The following JAKMIP3 variants were observed in gnomAD, a reference collection of about 807,000 sequenced individuals.
JAKMIP3 encodes the protein janus kinase and microtubule-interacting protein 3.
In JAKMIP3, 58 loss-of-function variants were observed where a neutral mutation model predicts 118.5. That is an observed-to-expected ratio of 0.49 (90% CI 0.40 to 0.61). The LOEUF (loss-of-function observed/expected upper bound fraction) is 0.61, where lower values mean the gene tolerates loss of function less well. JAKMIP3 is among the 20% of genes least tolerant of loss of function. The probability of loss-of-function intolerance (pLI) is 0.00; values close to 1 mark genes in which losing one functional copy is unlikely to be tolerated. For synonymous variants in JAKMIP3, 486 were observed against 451.2 expected (o/e 1.08, Z -0.98); for missense variants, 950 against 1,109.0 (o/e 0.86, Z 2.04).
Position 132,039,503 on chromosome 10 carries a change from GT to G in JAKMIP3, c.-138+2766del, listed in dbSNP as rs142573019. Reference sequence around the variant, plus strand: ...TCTCCCATGGCCCCTGGACAGCGTGGTCCCTGCAAGGCTGAGAGGCCTGGCC... The same window carrying G: ...TCTCCCATGGCCCCTGGACAGCGTGGCCCTGCAAGGCTGAGAGGCCTGGCC... On this transcript the variant is annotated intron_variant, in intron 1 of 23. Coordinates refer to the JAKMIP3 transcript ENST00000657785. Among the ~76,000 whole-genome samples, 1,003 of 152,216 alleles carry G rather than the reference GT, an allele frequency of 6.6e-3. 14 individuals carry two copies. The highest frequency in any genetic ancestry group is 0.023 in the African/African-American group (959 of 41,526).
At chr10:132,167,864 G>GCCCTCGCCCCTCGC (rs200553685) in intron 22 of JAKMIP3, 89 bp from the exon 23 acceptor site, 1 of 846,446 alleles carries the variant, frequency 1.2e-6, no homozygotes, top group Non-Finnish European at 1.6e-6. Context: ...TCACCCCTCG[G>GCCCTCGCCCCTCGC]CCCTCGCCCC....
intron 23 of JAKMIP3, among the ~76,000 whole-genome samples, chr10:132,180,602 CGCGTGT>C (rs1565019093): frequency 0.2 from 2,402 of 11,970 alleles, 588 homozygotes; most frequent in Admixed American, 0.34. Context: ...TGTGTGCGTG[CGCGTGT>C]GTGTGTGCGT....
At chr10:132,142,746 A>C (rs543629241) in intron 11 of JAKMIP3, among the ~76,000 whole-genome samples, 1 of 152,260 alleles carries the variant, frequency 6.6e-6, no homozygotes, top group South Asian at 2.1e-4. Flanking sequence ...GAGGACCTGC[A>C]CCTGGTACCC....
chr10:132,115,754 C>T (rs1228461902), intron 2 of JAKMIP3, among the ~76,000 whole-genome samples: 4 of 152,178 alleles, frequency 2.6e-5, no homozygotes, highest in African/African-American at 9.7e-5. Context: ...AGAAATGTGG[C>T]TTGACTAAAA....
chr10:132,168,101 G>T lies in JAKMIP3; in HGVS notation c.*171G>T. On this transcript the variant is annotated 3_prime_UTR_variant, in exon 23 of 24. Coordinates refer to ENST00000684848, the MANE Select transcript of JAKMIP3 (RefSeq NM_001323087.2). Reference sequence around the variant, plus strand: ...AGAGTGAGAAGGGGCAGTGTGTGGGGCGTGGAGCTGCCGTCCACGTGGGAT... The same window carrying T: ...AGAGTGAGAAGGGGCAGTGTGTGGGTCGTGGAGCTGCCGTCCACGTGGGAT... 2 of 1,289,200 alleles carry T rather than the reference G, an allele frequency of 1.6e-6. No individual in the cohort carries two copies. The highest frequency in any genetic ancestry group is 1.0e-6 in the Non-Finnish European group (1 of 988,552). The allele number at this position is 1,289,200 out of a possible 1,614,324, so 79.9% of individuals were successfully genotyped here.
At chr10:132,139,153 AGTGT>A (rs1290939257) in intron 9 of JAKMIP3, among the ~76,000 whole-genome samples, 6 of 135,132 alleles carry the variant, frequency 4.4e-5, no homozygotes, top group Admixed American at 7.3e-5. Flanking sequence ...TGTGAGTATG[AGTGT>A]GTATGTACAT....
intron 1 of JAKMIP3, among the ~76,000 whole-genome samples, chr10:132,102,467 G>A (rs2045119002): frequency 1.3e-5 from 2 of 152,114 alleles, no homozygotes; most frequent in Non-Finnish European, 2.9e-5. Flanking sequence ...GGTCCCTCCA[G>A]TCCCCGTCTC....
intron 1 of JAKMIP3, among the ~76,000 whole-genome samples, chr10:132,102,176 C>T (rs1374807049): frequency 1.3e-5 from 2 of 152,176 alleles, no homozygotes; most frequent in Admixed American, 1.3e-4. Flanking sequence ...CCCTTTCCTC[C>T]TCAGGCCCTT....
At chr10:132,125,269 TG>T (rs76963464) in intron 3 of JAKMIP3, among the ~76,000 whole-genome samples, 5,644 of 142,756 alleles carry the variant, frequency 0.04, 286 homozygotes, top group African/African-American at 0.14. Context: ...TGGATTGAGT[TG>T]GATATCCCTG....
chr10:132,167,416 T>C (rs1056070405), intron 22 of JAKMIP3, among the ~76,000 whole-genome samples: 3 of 152,064 alleles, frequency 2.0e-5, no homozygotes, highest in Non-Finnish European at 4.4e-5. Flanking sequence ...GCAGACACGG[T>C]GGTTCTGTGA....
rs1564908641 is a variant in JAKMIP3, at chr10:132,109,135, T to TATATATATATACACACACAC, written c.135+4203_135+4204insCACACACACATATATATATA. On this transcript the variant is annotated intron_variant, in intron 2 of 23. Transcript: ENST00000684848. ...ACACATATATATATACACACACACA[T>TATATATATATACACACACAC]ATATATATATATACACACACATATA... 6.4e-4 allele frequency among the ~76,000 whole-genome samples: 54 copies of TATATATATATACACACACAC among 84,528 alleles called. 3 individuals carry two copies. Among genetic ancestry groups the TATATATATATACACACACAC allele is most frequent in the African/African-American group, 2.8e-3 (51 of 17,936 alleles). 55.5% of individuals were successfully genotyped at this position (84,528 alleles called of 152,430 possible). A position where few individuals can be genotyped will look rare whatever the true frequency, so the allele number is the denominator to read the frequency against.
Position 132,149,433 on chromosome 10 carries a change from G to T in JAKMIP3, c.1870G>T (p.Ala624Ser), listed in dbSNP as rs139137842. ...ELEERERKSP[A>S]ISFHHTPFVD... ...CTAGGAGAGGGAGAGGAAGTCACCC[G>T]CCATCAGCTTCCACCACACGCCCTT... The change falls in exon 15 of 24, where the codon GCC (alanine) becomes TCC (serine). Residue 624 changes from alanine to serine, a missense_variant. Coordinates refer to ENST00000684848, the MANE Select transcript of JAKMIP3 (RefSeq NM_001323087.2). 95 of 1,604,292 alleles carry T rather than the reference G, an allele frequency of 5.9e-5. No homozygotes were observed. The African/African-American group carries it at 9.8e-4, about 17-fold the overall frequency.
At chr10:132,082,713 C>T (rs554801117) in intron 1 of JAKMIP3, among the ~76,000 whole-genome samples, 7 of 152,124 alleles carry the variant, frequency 4.6e-5, no homozygotes, top group African/African-American at 9.6e-5. Context: ...CAGGTTCAAG[C>T]GATTCTCCTG....
intron 1 of JAKMIP3, among the ~76,000 whole-genome samples, chr10:132,079,008 A>G (rs926580687): frequency 1.3e-5 from 2 of 152,144 alleles, no homozygotes; most frequent in Non-Finnish European, 2.9e-5. Flanking sequence ...CAAGCGGCGC[A>G]TGGGAGTGAC....
At chr10:132,123,726 T>TA (rs2048974841) in intron 3 of JAKMIP3, among the ~76,000 whole-genome samples, 1 of 152,208 alleles carries the variant, frequency 6.6e-6, no homozygotes, top group African/African-American at 2.4e-5. Context: ...CAGCTTCCTT[T>TA]GCACCCCAAG....
At chr10:132,070,202 C>T (rs1201838030) in intron 1 of JAKMIP3, among the ~76,000 whole-genome samples, 1 of 152,054 alleles carries the variant, frequency 6.6e-6, no homozygotes, top group Admixed American at 6.5e-5. Flanking sequence ...GGCTGGGGTG[C>T]AGTGGCGCGT....
At chr10:132,119,272 CTT>C (rs1338622060) in intron 3 of JAKMIP3, among the ~76,000 whole-genome samples, 1 of 152,086 alleles carries the variant, frequency 6.6e-6, no homozygotes, top group African/African-American at 2.4e-5. Context: ...TGTGGGTTAT[CTT>C]TTCCTGTGCT....
At chr10:132,064,027 T>G (rs951655483), upstream of JAKMIP3, among the ~76,000 whole-genome samples, 1 of 152,226 alleles carries the variant, frequency 6.6e-6, no homozygotes, top group Non-Finnish European at 1.5e-5. The surrounding 1 kb of genome is among the most constrained non-coding windows in gnomAD (Gnocchi z 4.4). Context: ...TTTAAAAAAC[T>G]TAAACAATAG....
At chr10:132,080,728 C>T (rs774614780) in intron 1 of JAKMIP3, among the ~76,000 whole-genome samples, 2 of 151,658 alleles carry the variant, frequency 1.3e-5, no homozygotes, top group South Asian at 2.1e-4. Context: ...CCATGTTGAC[C>T]GGGCTGGTCT....
Sources: gnomAD v4.1 joint callset for allele counts (sites outside exome capture counted in the v4.1 genomes callset) on GRCh38, gnomAD v4.1.1 for gene constraint, Gnocchi (gnomAD v3.1) non-coding constraint, MANE v1.5 for transcripts, NCBI Gene and HGNC (gene_info 2026-07-23, HGNC 2026-07-21) for gene names.